Variants in MIGA2 observed in about 807,000 individuals in gnomAD.
The protein encoded by MIGA2 is family with sequence similarity 73, member B.
In MIGA2, 36 loss-of-function variants were observed where a neutral mutation model predicts 69.9. The observed-to-expected ratio is 0.52, with a 90% confidence interval of 0.39 to 0.68. The LOEUF (loss-of-function observed/expected upper bound fraction) is 0.68, where lower values mean the gene tolerates loss of function less well. Among genes scored for constraint, MIGA2 ranks in the 30% least tolerant of loss-of-function variants. The probability of loss-of-function intolerance (pLI) is 0.00; values close to 1 mark genes in which losing one functional copy is unlikely to be tolerated. For missense variants in MIGA2, 660 were observed against 787.7 expected, an observed-to-expected ratio of 0.84 and a Z score of 1.94; for synonymous variants, 333 against 349.2, an observed-to-expected ratio of 0.95 and a Z score of 0.52.
intron 1 of MIGA2, among the ~76,000 whole-genome samples, chr9:129,038,563 G>A (rs1844719122): frequency 6.6e-6 from 1 of 152,120 alleles, no homozygotes; most frequent in African/African-American, 2.4e-5. Context: ...GGGGAAAGCT[G>A]CCCAGTACTC....
At position 129,070,302 on chromosome 9, in the gene MIGA2, C is replaced by A. The variant is rs751649684; in HGVS notation, c.1631C>A (p.Thr544Lys). The change falls in exon 16 of 16, where the codon ACG becomes AAG. Residue 544 changes from threonine to lysine, a missense_variant. Around this residue, in one of 3 missense-constraint regions of MIGA2, gnomAD observed 220 missense variants for 301.7 expected, o/e 0.73. Transcript: ENST00000684074. ...DMFDLDNVRY[T>K]SLPALADDIL... ...TTCGACCTGGACAATGTGCGCTACACGTCACTGCCCGCGCTGGCAGACGAC... is the reference window on the plus strand; with the variant it reads ...TTCGACCTGGACAATGTGCGCTACAAGTCACTGCCCGCGCTGGCAGACGAC... The A allele has an allele frequency of 1.2e-6, 2 of 1,613,152 alleles. No individual in the cohort carries two copies. Among genetic ancestry groups the A allele is most frequent in the Non-Finnish European group, 1.7e-6 (2 of 1,180,012 alleles).
At position 129,059,546 on chromosome 9, in the gene MIGA2, C is replaced by T. The variant is rs9696804; in HGVS notation, c.793+275C>T. On this transcript the variant is annotated intron_variant, in intron 7 of 15. Coordinates refer to ENST00000684074, the MANE Select transcript of MIGA2 (RefSeq NM_001329990.2). This position sits in a 1 kb window ranked among gnomAD's most constrained non-coding sequence, Gnocchi z 5.6. The stretch of plus-strand genomic sequence containing the variant: ...TCCTCTTGGGTGCAGCCTTGGGGTT[C>T]GTGTGGCAGCATCTCCCTGATGGCT... 0.011 allele frequency among the ~76,000 whole-genome samples: 1,696 copies of T among 152,230 alleles called. 31 individuals are homozygous for T. The highest frequency in any genetic ancestry group is 0.038 in the African/African-American group (1,585 of 41,532).
chr9:129,060,405 C>A lies in MIGA2; in HGVS notation c.794-145C>A. ...CGTCCTCACACAGAAGCGCTTGGCA[C>A]GTCAGAGCTTTGCCATTGAGTGTGG... On this transcript the variant is annotated intron_variant, in intron 7 of 15. Coordinates refer to ENST00000684074, the MANE Select transcript of MIGA2 (RefSeq NM_001329990.2). The surrounding 1 kb of genome is among the most constrained non-coding windows in gnomAD (Gnocchi z 4.8). The A allele has an allele frequency of 1.5e-6, 1 of 662,738 alleles. No homozygotes were observed. The highest frequency in any genetic ancestry group is 2.6e-6 in the Non-Finnish European group (1 of 388,484). 41.1% of individuals were successfully genotyped at this position (662,738 alleles called of 1,614,324 possible). A position where few individuals can be genotyped will look rare whatever the true frequency, so the allele number is the denominator to read the frequency against.
intron 1 of MIGA2, chr9:129,037,051 A>C (rs1037890537): frequency 1.0e-6 from 1 of 1,002,384 alleles, no homozygotes; most frequent in African/African-American, 1.7e-5. Context: ...TGGGGGCAAG[A>C]GAAGAAGGGG....
intron 1 of MIGA2, among the ~76,000 whole-genome samples, chr9:129,038,356 C>A (rs577340975): frequency 6.6e-6 from 1 of 152,312 alleles, no homozygotes; most frequent in East Asian, 1.9e-4. Context: ...GAGACAGGGT[C>A]TGTCCTGGCT....
intron 6 of MIGA2, among the ~76,000 whole-genome samples, chr9:129,056,129 GAA>G (rs76491749): frequency 2.3e-4 from 18 of 77,398 alleles, no homozygotes; most frequent in South Asian, 1.2e-3. Flanking sequence ...CCTGTCTCAA[GAA>G]AAAAAAAAAA....
At chr9:129,042,280 G>A (rs370775836) in intron 2 of MIGA2, 24 bp from the exon 3 acceptor site, 22 of 1,608,502 alleles carry the variant, frequency 1.4e-5, no homozygotes, top group African/African-American at 8.0e-5. Flanking sequence ...AGGTGTAACC[G>A]GCAGCGTCTC....
At chr9:129,057,208 A>G (rs544456001) in intron 6 of MIGA2, among the ~76,000 whole-genome samples, 1 of 152,124 alleles carries the variant, frequency 6.6e-6, no homozygotes, top group Admixed American at 6.6e-5. Flanking sequence ...TTTGCATTAG[A>G]AACCTATTCA....
chr9:129,068,161 C>T lies in MIGA2; in HGVS notation c.1270-37C>T. ...AAGTGGCCCCGAGGCTCCGGCAGTG[C>T]CCCCATGCATGAGCCTCCCGGGGGC... On this transcript the variant is annotated intron_variant, in intron 12 of 15. Coordinates refer to ENST00000684074, the MANE Select transcript of MIGA2 (RefSeq NM_001329990.2). This position sits in a 1 kb window ranked among gnomAD's most constrained non-coding sequence, Gnocchi z 4.1. 1 of 1,613,236 alleles carries T rather than the reference C, an allele frequency of 6.2e-7. No individual in the cohort carries two copies. Among genetic ancestry groups the T allele is most frequent in the South Asian group, 1.1e-5 (1 of 91,016 alleles).
Position 129,070,349 on chromosome 9 carries a change from C to T in MIGA2, c.1678C>T (p.Arg560Cys), listed in dbSNP as rs775265391. The T allele has an allele frequency of 9.3e-6, 15 of 1,612,892 alleles. No individual in the cohort carries two copies. The highest frequency in any genetic ancestry group is 1.1e-5 in the South Asian group (1 of 91,092). The stretch of plus-strand genomic sequence containing the variant: ...CGACATCCTGCAGCTGTCCCGGCGC[C>T]GCAGCGAGATATTGCTGGGGTACCT... Reference protein sequence around the residue: ...ADDILQLSRRRSEILLGYLGV... With the variant: ...ADDILQLSRRCSEILLGYLGV... The change falls in exon 16 of 16, where the codon CGC (arginine) becomes TGC (cysteine). Residue 560 changes from arginine (R) to cysteine (C), a missense_variant. Around this residue, in one of 3 missense-constraint regions of MIGA2, gnomAD observed 220 missense variants for 301.7 expected, o/e 0.73. Coordinates refer to ENST00000684074, the MANE Select transcript of MIGA2 (RefSeq NM_001329990.2).
Position 129,055,080 on chromosome 9 carries a change from CT to C in MIGA2, c.676-4059del, listed in dbSNP as rs112156716. 1.5e-3 allele frequency among the ~76,000 whole-genome samples: 182 copies of C among 122,822 alleles called. 1 individual carries two copies. Among genetic ancestry groups the C allele is most frequent in the Middle Eastern group, 5.0e-3 (1 of 202 alleles). The allele number at this position is 122,822 out of a possible 152,430, so 80.6% of individuals were successfully genotyped here. A position where few individuals can be genotyped will look rare whatever the true frequency, so the allele number is the denominator to read the frequency against. On this transcript the variant is annotated intron_variant, in intron 6 of 15. Transcript: ENST00000684074. Reference sequence around the variant, plus strand: ...CTAATTTTTGTATTTTTTTTCTTTTCTTTTTTTTTTTTTTTGAGATGGAGTC... The same window carrying C: ...CTAATTTTTGTATTTTTTTTCTTTTCTTTTTTTTTTTTTTGAGATGGAGTC...
rs1027235490 is a variant in MIGA2 at position 129,060,052 on chromosome 9, C to G, written c.794-498C>G. On this transcript the variant is annotated intron_variant, in intron 7 of 15. Coordinates refer to ENST00000684074, the MANE Select transcript of MIGA2 (RefSeq NM_001329990.2). The surrounding 1 kb of genome is among the most constrained non-coding windows in gnomAD (Gnocchi z 4.8). The stretch of plus-strand genomic sequence containing the variant: ...GGCCTTTGCTTATTTGCTCGACAAT[C>G]CTTTCCTGAGCACCCTTGGAGGTCC... 1.3e-5 allele frequency among the ~76,000 whole-genome samples: 2 copies of G among 152,222 alleles called. No homozygotes were observed. The highest frequency in any genetic ancestry group is 2.9e-5 in the Non-Finnish European group (2 of 68,036).
Position 129,068,904 on chromosome 9 carries a change from G to A in MIGA2, c.1405-172G>A. 1.4e-6 allele frequency: 1 copy of A among 716,002 alleles called. No homozygotes were observed. Among genetic ancestry groups the A allele is most frequent in the Non-Finnish European group, 2.5e-6 (1 of 403,500 alleles). 44.4% of individuals were successfully genotyped at this position (716,002 alleles called of 1,614,324 possible). On this transcript the variant is annotated intron_variant, in intron 13 of 15. Transcript: ENST00000684074. This position sits in a 1 kb window ranked among gnomAD's most constrained non-coding sequence, Gnocchi z 4.1. ...AGAGTCAAGATTCAAGTTTAGGTAT[G>A]TCTGAGTCCAAAATCAGAGGAGGAA...
Position 129,060,652 on chromosome 9 carries a change from TGACTCGGGGTGGG to T in MIGA2, c.894+6_894+18del, listed in dbSNP as rs1272108848. ...GATTCCTTCTTCTCCGCCACCGAGG[TGACTCGGGGTGGG>T]GACCAAGCCTGGGGTGGGGTGAAGG... On this transcript the variant is annotated splice_donor_5th_base_variant and intron_variant, in intron 8 of 15. Coordinates refer to ENST00000684074, the MANE Select transcript of MIGA2 (RefSeq NM_001329990.2). This position sits in a 1 kb window ranked among gnomAD's most constrained non-coding sequence, Gnocchi z 4.8. 6.3e-7 allele frequency: 1 copy of T among 1,577,348 alleles called. No homozygotes were observed. Among genetic ancestry groups the T allele is most frequent in the Non-Finnish European group, 8.6e-7 (1 of 1,161,036 alleles).
rs771637750 is a variant in MIGA2, at chr9:129,068,088, C to A, written c.1270-110C>A. 2.0e-6 allele frequency: 3 copies of A among 1,467,012 alleles called. No homozygotes were observed. The highest frequency in any genetic ancestry group is 2.9e-6 in the Non-Finnish European group (3 of 1,049,012). The allele number at this position is 1,467,012 out of a possible 1,614,324, so 90.9% of individuals were successfully genotyped here. ...GCAGAGCGGGAAAGACGTGTCCCCC[C>A]CACGTGTGCTCATGCCCTGGACCCC... On this transcript the variant is annotated intron_variant, in intron 12 of 15. Coordinates refer to ENST00000684074, the MANE Select transcript of MIGA2 (RefSeq NM_001329990.2). The surrounding 1 kb of genome is among the most constrained non-coding windows in gnomAD (Gnocchi z 4.1).
chr9:129,069,564 C>A lies in MIGA2; in HGVS notation c.1459-285C>A. The A allele has an allele frequency of 9.3e-6, 5 of 539,010 alleles. No homozygotes were observed. In the South Asian group the frequency reaches 1.0e-4, roughly 11 times the overall value. 33.4% of individuals were successfully genotyped at this position (539,010 alleles called of 1,614,324 possible). ...TTGTCGTTCCCCTCTGCGGGCCAGG[C>A]TCTGTTGCCTAGCTGATACCAGCTG... On this transcript the variant is annotated intron_variant, in intron 14 of 15. Transcript: ENST00000684074. The surrounding 1 kb of genome is among the most constrained non-coding windows in gnomAD (Gnocchi z 4.9).
At chr9:129,067,245 C>T (rs1846408569) in intron 11 of MIGA2, among the ~76,000 whole-genome samples, 1 of 152,206 alleles carries the variant, frequency 6.6e-6, no homozygotes, top group Non-Finnish European at 1.5e-5. Flanking sequence ...AAAAGAGCAT[C>T]CCAAACCCCA....
chr9:129,042,629 C>A, intron 3 of MIGA2, 115 bp downstream of exon 3: 2 of 1,063,394 alleles, frequency 1.9e-6, no homozygotes, highest in Non-Finnish European at 2.7e-6. Context: ...GTCTCAGAGC[C>A]AAGGTCTCCT....
In MIGA2 at chr9:129,068,760, G is replaced by A. The variant is rs948842594; in HGVS notation, c.1405-316G>A. 3 of 448,232 alleles carry A rather than the reference G, an allele frequency of 6.7e-6. No individual in the cohort carries two copies. The highest frequency in any genetic ancestry group is 3.7e-5 in the Admixed American group (1 of 27,106). The allele number at this position is 448,232 out of a possible 1,614,324, so 27.8% of individuals were successfully genotyped here. A position where few individuals can be genotyped will look rare whatever the true frequency, so the allele number is the denominator to read the frequency against. On this transcript the variant is annotated intron_variant, in intron 13 of 15. Transcript: ENST00000684074. The surrounding 1 kb of genome is among the most constrained non-coding windows in gnomAD (Gnocchi z 4.1). ...GTGCTGCCTGGGCCCAGGCTTCTGC[G>A]AGGTGGTTTACAGGCGGGAACCATT...
Sources: gnomAD v4.1 joint callset for allele counts (sites outside exome capture counted in the v4.1 genomes callset) on GRCh38, gnomAD v4.1.1 for gene constraint, gnomAD v4.1.1 regional missense constraint, Gnocchi (gnomAD v3.1) non-coding constraint, MANE v1.5 for transcripts, NCBI Gene and HGNC (gene_info 2026-07-23, HGNC 2026-07-21) for gene names.